ATAD2B: variants seen among roughly 807,000 people sequenced by gnomAD.
The protein encoded by ATAD2B is ATPase family AAA domain containing 2B.
A neutral mutation model predicts 167.6 loss-of-function variants in ATAD2B; 40 were observed. The observed-to-expected ratio is 0.24, with a 90% CI of 0.19 to 0.31. The LOEUF (loss-of-function observed/expected upper bound fraction) is 0.31. Among genes scored for constraint, ATAD2B ranks in the 10% least tolerant of loss-of-function variants. ATAD2B has a pLI of 1.00. For missense variants in ATAD2B, 1,242 were observed against 1,757.2 expected, an observed-to-expected ratio of 0.71 and a Z score of 5.24; for synonymous variants, 579 against 596.5, an observed-to-expected ratio of 0.97 and a Z score of 0.43.
At chr2:23,776,488 G>A (rs1269474888) in intron 22 of ATAD2B, among the ~76,000 whole-genome samples, 2 of 152,224 alleles carry the variant, frequency 1.3e-5, no homozygotes, top group Admixed American at 6.5e-5. Flanking sequence ...TATACACAGA[G>A]AATATTTAAC....
At chr2:23,776,298 C>A (rs113071555) in intron 22 of ATAD2B, among the ~76,000 whole-genome samples, 3 of 152,138 alleles carry the variant, frequency 2.0e-5, no homozygotes, top group African/African-American at 7.2e-5. Flanking sequence ...TTTTGTCCAC[C>A]ATATTTAAAT....
intron 5 of ATAD2B, 60 bp downstream of exon 5, chr2:23,885,667 T>C: frequency 9.8e-7 from 1 of 1,023,404 alleles, no homozygotes; most frequent in Non-Finnish European, 1.4e-6. Context: ...CATTCTCCCT[T>C]TAAATTCCTC....
rs529813220 is a variant in ATAD2B, at chr2:23,925,730, A to G, written c.216+825T>C. ...TTTTAATTCAATCACCAGCGTCTTT[A>G]AATGTCATTTTTGCAACTGCATGAC... On this transcript the variant is annotated intron_variant, in intron 1 of 27. Transcript: ENST00000238789. 2.6e-5 allele frequency among the ~76,000 whole-genome samples: 4 copies of G among 152,328 alleles called. No individual in the cohort carries two copies. The South Asian group carries it at 8.3e-4, about 32-fold the overall frequency.
At chr2:23,705,091 T>C in the ATAD2B span, among the ~76,000 whole-genome samples, 4 of 152,238 alleles carry the variant, frequency 2.6e-5, no homozygotes, top group Non-Finnish European at 5.9e-5. Context: ...TGTACCCTAA[T>C]GGTGGCAGTG....
intron 1 of ATAD2B, among the ~76,000 whole-genome samples, chr2:23,908,620 A>C (rs960027086): frequency 6.6e-6 from 1 of 152,174 alleles, no homozygotes; most frequent in African/African-American, 2.4e-5. Flanking sequence ...CATTTGACTC[A>C]GCCATCCCAT....
the ATAD2B span, chr2:23,696,425 C>T: frequency 2.6e-6 from 4 of 1,551,296 alleles, no homozygotes; most frequent in Non-Finnish European, 3.5e-6. This position sits in a 1 kb window ranked among gnomAD's most constrained non-coding sequence, Gnocchi z 5.5. Context: ...GACAGTCCCC[C>T]GCTGTCGGCA....
intron 14 of ATAD2B, among the ~76,000 whole-genome samples, chr2:23,830,267 A>T (rs1018862892): frequency 6.6e-6 from 1 of 152,176 alleles, no homozygotes; most frequent in African/African-American, 2.4e-5. Flanking sequence ...TACAGGCGTG[A>T]GCTACCACAC....
chr2:23,868,959 C>T (rs1201066771), intron 9 of ATAD2B, among the ~76,000 whole-genome samples: 1 of 152,138 alleles, frequency 6.6e-6, no homozygotes, highest in African/African-American at 2.4e-5. Context: ...ATTAAATAGG[C>T]ATTAAACGCT....
Position 23,860,464 on chromosome 2 carries a change from C to G in ATAD2B, c.1479+2917G>C, listed in dbSNP as rs111935589. 1.6e-3 allele frequency among the ~76,000 whole-genome samples: 249 copies of G among 152,112 alleles called. 2 individuals are homozygous for G. The highest frequency in any genetic ancestry group is 5.7e-3 in the African/African-American group (238 of 41,476). On this transcript the variant is annotated intron_variant, in intron 12 of 27. Transcript: ENST00000238789. ...CATTTTTCTCACTTAAGTATTAGAT[C>G]TAGAAAGAATCTGATTTAAGATGAA...
chr2:23,883,589 C>G, intron 6 of ATAD2B: 1 of 1,284,176 alleles, frequency 7.8e-7, no homozygotes, highest in Non-Finnish European at 1.0e-6. Flanking sequence ...ATAAATCTGT[C>G]TCACCTATAC....
intron 5 of ATAD2B, among the ~76,000 whole-genome samples, chr2:23,885,408 C>T (rs551475678): frequency 4.4e-4 from 67 of 152,286 alleles, no homozygotes; most frequent in African/African-American, 1.6e-3. Context: ...GAAGCCAGAT[C>T]ATCAACATCA....
chr2:23,921,866 T>A (rs1485186085), intron 1 of ATAD2B, among the ~76,000 whole-genome samples: 8 of 152,218 alleles, frequency 5.3e-5, no homozygotes, highest in Non-Finnish European at 4.4e-5. Context: ...GAACTTATAT[T>A]TTCCCCTGCT....
chr2:23,755,646 G>A (rs1207766172), intron 25 of ATAD2B, among the ~76,000 whole-genome samples: 2 of 152,088 alleles, frequency 1.3e-5, no homozygotes, highest in Non-Finnish European at 2.9e-5. Flanking sequence ...TTTATTAAGT[G>A]TCTCAATGCA....
intron 13 of ATAD2B, among the ~76,000 whole-genome samples, chr2:23,841,265 G>A (rs1352880852): frequency 6.6e-6 from 1 of 151,882 alleles, no homozygotes. Flanking sequence ...CTAGTAAACT[G>A]AACCTTTTAT....
At chr2:23,835,194 T>C (rs1166908528) in intron 13 of ATAD2B, among the ~76,000 whole-genome samples, 3 of 152,170 alleles carry the variant, frequency 2.0e-5, no homozygotes, top group Admixed American at 6.5e-5. Context: ...TCCAGCAATG[T>C]CCACAAAAAA....
chr2:23,723,399 G>A, the ATAD2B span, among the ~76,000 whole-genome samples: 1 of 144,288 alleles, frequency 6.9e-6, no homozygotes, highest in Admixed American at 6.9e-5. Context: ...GGAGAGGTGA[G>A]GAGAGGCAAG....
At chr2:23,693,178 T>A in the ATAD2B span, 1 of 1,434,378 alleles carries the variant, frequency 7.0e-7, no homozygotes, top group Non-Finnish European at 9.3e-7. Context: ...GGGATGTGGG[T>A]TCAGAGAAGG....
At chr2:23,872,006 T>G (rs764350802) in intron 8 of ATAD2B, among the ~76,000 whole-genome samples, 17 of 152,142 alleles carry the variant, frequency 1.1e-4, no homozygotes, top group Non-Finnish European at 1.9e-4. Context: ...AGTTCCCAAG[T>G]AGCTGGGATT....
At chr2:23,840,762 A>AT (rs1482573538) in intron 13 of ATAD2B, among the ~76,000 whole-genome samples, 1 of 152,128 alleles carries the variant, frequency 6.6e-6, no homozygotes, top group Non-Finnish European at 1.5e-5. Context: ...GCATTAAATG[A>AT]TTTTTTTGCT....
Sources: allele counts gnomAD v4.1 joint callset (sites outside exome capture counted in the v4.1 genomes callset), GRCh38; gene constraint gnomAD v4.1.1; non-coding constraint Gnocchi (gnomAD v3.1); transcripts MANE v1.5; gene names NCBI Gene and HGNC (gene_info 2026-07-23, HGNC 2026-07-21).